Variants in ARHGEF3 observed in about 807,000 individuals in gnomAD.
ARHGEF3 encodes 59.8 kDA protein.
In ARHGEF3, 28 loss-of-function variants were observed where a neutral mutation model predicts 63.2. The ratio of observed to expected loss-of-function variants is 0.44; its 90% CI spans 0.33 to 0.61. The LOEUF (loss-of-function observed/expected upper bound fraction) is 0.61, where lower values mean the gene tolerates loss of function less well. Ranked by LOEUF, ARHGEF3 falls within the 20% of genes least tolerant of loss-of-function variation. ARHGEF3 has a pLI of 0.03. For synonymous variants in ARHGEF3, 266 were observed against 254.2 expected, an observed-to-expected ratio of 1.05 and a Z score of -0.44; for missense variants, 533 against 659.3, an observed-to-expected ratio of 0.81 and a Z score of 2.10.
chr3:56,885,252 G>A (rs1245482508), intron 3 of ARHGEF3, among the ~76,000 whole-genome samples: 2 of 152,144 alleles, frequency 1.3e-5, no homozygotes, highest in East Asian at 1.9e-4. Context: ...CTGAGATCTT[G>A]GGAGGTATCA....
intron 2 of ARHGEF3, among the ~76,000 whole-genome samples, chr3:56,771,882 G>A (rs2036024138): frequency 6.6e-6 from 1 of 152,206 alleles, no homozygotes; most frequent in South Asian, 2.1e-4. Context: ...GTGAAATGCA[G>A]TAGACATTCT....
Position 56,958,736 on chromosome 3 carries a change from C to T in ARHGEF3, c.129+87G>A, listed in dbSNP as rs1700153026. ...TGATGGAGACTTTGATTAGTAAAAC[C>T]AACCCTAACAGCGTCCGTTCTGGAG... On this transcript the variant is annotated intron_variant, in intron 3 of 12. Coordinates refer to the ARHGEF3 transcript ENST00000338458. 3 of 1,390,640 alleles carry T rather than the reference C, an allele frequency of 2.2e-6. No homozygotes were observed. The African/African-American group carries it at 4.3e-5, about 20-fold the overall frequency. The allele number at this position is 1,390,640 out of a possible 1,614,324, so 86.1% of individuals were successfully genotyped here.
chr3:56,952,405 C>G (rs1324109674), intron 3 of ARHGEF3, among the ~76,000 whole-genome samples: 1 of 152,198 alleles, frequency 6.6e-6, no homozygotes, highest in East Asian at 1.9e-4. Context: ...CTAGCCCTGA[C>G]TGACAGCTTG....
At chr3:56,915,234 A>T (rs1033924713) in intron 3 of ARHGEF3, among the ~76,000 whole-genome samples, 2 of 152,072 alleles carry the variant, frequency 1.3e-5, no homozygotes, top group Non-Finnish European at 2.9e-5. Flanking sequence ...CTTGAGCTCA[A>T]GGAGGATTGC....
chr3:56,894,532 G>A (rs1360135014), intron 3 of ARHGEF3, among the ~76,000 whole-genome samples: 1 of 152,286 alleles, frequency 6.6e-6, no homozygotes, highest in East Asian at 1.9e-4. Flanking sequence ...GCTCAAGCCT[G>A]TAATCTCAGC....
chr3:56,877,791 CA>C (rs2040638246), intron 4 of ARHGEF3, among the ~76,000 whole-genome samples: 1 of 152,138 alleles, frequency 6.6e-6, no homozygotes, highest in Non-Finnish European at 1.5e-5. Flanking sequence ...AAATAAACAT[CA>C]AACTCCGCAA....
intron 3 of ARHGEF3, among the ~76,000 whole-genome samples, chr3:56,914,125 G>A (rs1277271461): frequency 6.6e-6 from 1 of 151,896 alleles, no homozygotes; most frequent in Non-Finnish European, 1.5e-5. Context: ...GGGACTTGAG[G>A]GGAAGGGTGA....
chr3:56,747,684 C>G lies in ARHGEF3; in HGVS notation c.613-2222G>C, dbSNP rs1422825041. Reference sequence around the variant, plus strand: ...CTAAAATATATAAAAATTAGCCGGGCATAGTGGTGCATGCCTGTAATCCCA... The same window carrying G: ...CTAAAATATATAAAAATTAGCCGGGGATAGTGGTGCATGCCTGTAATCCCA... On this transcript the variant is annotated intron_variant, in intron 6 of 9. Transcript: ENST00000296315. Among the ~76,000 whole-genome samples the G allele has an allele frequency of 2.0e-5, 3 of 152,152 alleles. No individual in the cohort carries two copies. The East Asian group carries it at 5.8e-4, about 29-fold the overall frequency.
intron 4 of ARHGEF3, among the ~76,000 whole-genome samples, chr3:56,868,363 T>C (rs1304115308): frequency 1.9e-5 from 1 of 52,518 alleles, no homozygotes; most frequent in East Asian, 2.8e-4. Context: ...TTTTGTTTGT[T>C]TTTTTTTTTT....
chr3:56,926,679 T>C (rs1578862138), intron 3 of ARHGEF3, among the ~76,000 whole-genome samples: 1 of 152,372 alleles, frequency 6.6e-6, no homozygotes. Flanking sequence ...GGATAATTTA[T>C]GGAGAAAACA....
chr3:56,853,352 T>G (rs1016141541), intron 4 of ARHGEF3, among the ~76,000 whole-genome samples: 2 of 152,218 alleles, frequency 1.3e-5, no homozygotes, highest in Non-Finnish European at 2.9e-5. Flanking sequence ...TATTATTATT[T>G]TGAGATGGAG....
chr3:57,027,257 C>G lies in ARHGEF3; in HGVS notation c.62+7831G>C, dbSNP rs561581292. ...ACTTGGGAAACTTCAACAACTGGGC[C>G]AGGGTACTCACTTCCTCCCCTAACA... is the stretch of plus-strand genomic sequence containing the variant. On this transcript the variant is annotated intron_variant, in intron 2 of 12. Transcript: ENST00000338458. 2.8e-4 allele frequency among the ~76,000 whole-genome samples: 43 copies of G among 152,302 alleles called. No homozygotes were observed. In the South Asian group the frequency reaches 8.3e-3, roughly 29 times the overall value.
At chr3:56,902,279 A>G (rs948700219) in intron 3 of ARHGEF3, among the ~76,000 whole-genome samples, 3 of 152,236 alleles carry the variant, frequency 2.0e-5, no homozygotes, top group African/African-American at 7.2e-5. Context: ...TTAGAGAGTA[A>G]GCAAACTTAC....
Position 56,799,829 on chromosome 3 carries a change from T to C in ARHGEF3, c.96+1874A>G, listed in dbSNP as rs79134356. ...AAAGATATCTCTGCCTCAAAGTGTA[T>C]AAAGCATACTTGATTTAGTGTTTAA... On this transcript the variant is annotated intron_variant, in intron 1 of 9. Coordinates refer to ENST00000296315, the MANE Select transcript of ARHGEF3 (RefSeq NM_019555.3). Among the ~76,000 whole-genome samples the C allele has an allele frequency of 5.0e-3, 766 of 152,290 alleles. 22 individuals carry two copies. The East Asian group carries it at 0.082, about 16-fold the overall frequency.
At chr3:57,013,265 G>A (rs1025059735) in intron 2 of ARHGEF3, among the ~76,000 whole-genome samples, 1 of 152,222 alleles carries the variant, frequency 6.6e-6, no homozygotes, top group Non-Finnish European at 1.5e-5. Flanking sequence ...TGCGGTGTGG[G>A]ACTGGTAGGC....
chr3:56,871,468 A>C (rs190976345), intron 4 of ARHGEF3, among the ~76,000 whole-genome samples: 25 of 152,252 alleles, frequency 1.6e-4, no homozygotes, highest in East Asian at 3.9e-4. Context: ...AAAAACAAAA[A>C]ACAAAGGTTA....
At chr3:57,045,715 C>T (rs945549318) in intron 1 of ARHGEF3, among the ~76,000 whole-genome samples, 1 of 152,192 alleles carries the variant, frequency 6.6e-6, no homozygotes, top group Non-Finnish European at 1.5e-5. Context: ...AGGGCAGAAG[C>T]ACAAAAACCA....
chr3:56,795,290 C>T (rs1484717177), intron 1 of ARHGEF3, among the ~76,000 whole-genome samples: 1 of 152,172 alleles, frequency 6.6e-6, no homozygotes, highest in East Asian at 1.9e-4. Flanking sequence ...GCTACATGTT[C>T]TCAACAGGCC....
intron 1 of ARHGEF3, among the ~76,000 whole-genome samples, chr3:57,045,228 T>A (rs541057815): frequency 6.6e-6 from 1 of 152,168 alleles, no homozygotes; most frequent in Non-Finnish European, 1.5e-5. Context: ...GATCGCACCA[T>A]TGCACTCCAG....
Sources: allele counts gnomAD v4.1 joint callset (sites outside exome capture counted in the v4.1 genomes callset), GRCh38; gene constraint gnomAD v4.1.1; transcripts MANE v1.5; gene names NCBI Gene and HGNC (gene_info 2026-07-23, HGNC 2026-07-21).